The following ARL6 variants were observed in gnomAD, a reference collection of about 807,000 sequenced individuals.
ARL6 encodes the protein ADP-ribosylation factor-like protein 6.
A neutral mutation model predicts 27.1 loss-of-function variants in ARL6; 18 were observed. The observed-to-expected ratio is 0.66, with a 90% CI of 0.46 to 0.98. The LOEUF is 0.98. ARL6 is among the 50% of genes least tolerant of loss of function. The pLI is 0.00. For missense variants in ARL6, 187 were observed against 214.9 expected (o/e 0.87, Z 0.81); for synonymous variants, 65 against 72.3 (o/e 0.90, Z 0.51).
At chr3:97,768,962 C>T (rs552038924) in intron 2 of ARL6, among the ~76,000 whole-genome samples, 1 of 152,084 alleles carries the variant, frequency 6.6e-6, no homozygotes, top group South Asian at 2.1e-4. Flanking sequence ...GTAGATACAA[C>T]ACTTGCTCCC....
intron 7 of ARL6, among the ~76,000 whole-genome samples, chr3:97,794,962 C>T (rs999622151): frequency 3.3e-5 from 5 of 152,066 alleles, no homozygotes; most frequent in Admixed American, 6.6e-5. Flanking sequence ...GTGGTGCATG[C>T]CTGTAATCCC....
At chr3:97,779,298 T>C (rs1031520680) in intron 2 of ARL6, among the ~76,000 whole-genome samples, 2 of 152,178 alleles carry the variant, frequency 1.3e-5, no homozygotes, top group African/African-American at 2.4e-5. Context: ...TGGACTGTTC[T>C]TTGTCAATAA....
intron 7 of ARL6, among the ~76,000 whole-genome samples, chr3:97,796,545 G>A (rs911851778): frequency 2.6e-5 from 4 of 152,056 alleles, no homozygotes; most frequent in Non-Finnish European, 5.9e-5. Context: ...AAAAGTAGAG[G>A]ATAGCAAATC....
At chr3:97,785,333 A>AG (rs2037402946) in intron 5 of ARL6, among the ~76,000 whole-genome samples, 1 of 120,804 alleles carries the variant, frequency 8.3e-6, no homozygotes. Flanking sequence ...ATTGTACCAA[A>AG]GCAAAAAAAA....
At chr3:97,775,553 C>T (rs2036855512) in intron 2 of ARL6, among the ~76,000 whole-genome samples, 1 of 152,086 alleles carries the variant, frequency 6.6e-6, no homozygotes, top group Non-Finnish European at 1.5e-5. Context: ...AGCACACTGA[C>T]TCAAATGTTA....
rs1351584219 is a variant in ARL6, at chr3:97,798,574, C to G, written c.*525C>G. The G allele has an allele frequency of 6.5e-6, 1 of 152,788 alleles. No individual in the cohort carries two copies. The highest frequency in any genetic ancestry group is 1.5e-5 in the Non-Finnish European group (1 of 68,600). 9.5% of individuals were successfully genotyped at this position (152,788 alleles called of 1,614,324 possible). ...TGTTTATGCTGAAAAGAATAATGCTCTGTTAGTATGGTATTTCGTGTCATA... is the reference window on the plus strand; with the variant it reads ...TGTTTATGCTGAAAAGAATAATGCTGTGTTAGTATGGTATTTCGTGTCATA... On this transcript the variant is annotated 3_prime_UTR_variant, in exon 8 of 8. Transcript: ENST00000463745.
intron 2 of ARL6, among the ~76,000 whole-genome samples, chr3:97,776,998 A>G (rs2036941551): frequency 6.6e-6 from 1 of 152,230 alleles, no homozygotes; most frequent in Non-Finnish European, 1.5e-5. Context: ...AAAATTGTTC[A>G]GTTGATAACT....
At chr3:97,786,627 G>A (rs1049413179) in intron 5 of ARL6, among the ~76,000 whole-genome samples, 29 of 152,024 alleles carry the variant, frequency 1.9e-4, no homozygotes, top group African/African-American at 6.3e-4. Context: ...AAAATTGATG[G>A]CCATAAAAAA....
At chr3:97,792,604 G>A (rs1325638261) in intron 7 of ARL6, among the ~76,000 whole-genome samples, 2 of 152,068 alleles carry the variant, frequency 1.3e-5, no homozygotes, top group Admixed American at 6.6e-5. Context: ...TTGATATTTT[G>A]TATATTTGCA....
intron 2 of ARL6, among the ~76,000 whole-genome samples, chr3:97,773,031 TAGTC>T (rs1333233517): frequency 2.6e-5 from 4 of 152,280 alleles, no homozygotes; most frequent in South Asian, 2.1e-4. Flanking sequence ...AAGAATGTAT[TAGTC>T]AGGGTTCTCT....
At chr3:97,778,199 G>T (rs1268200269) in intron 2 of ARL6, among the ~76,000 whole-genome samples, 2 of 152,028 alleles carry the variant, frequency 1.3e-5, no homozygotes, top group African/African-American at 2.4e-5. Context: ...TTATTGCAAA[G>T]GTTGTTCTGA....
chr3:97,770,836 A>G (rs1225231918), intron 2 of ARL6, among the ~76,000 whole-genome samples: 2 of 151,990 alleles, frequency 1.3e-5, no homozygotes, highest in South Asian at 4.1e-4. Flanking sequence ...ATGTAAATAC[A>G]TGGATTTATT....
chr3:97,777,155 T>G (rs2036950045), intron 2 of ARL6, among the ~76,000 whole-genome samples: 1 of 152,194 alleles, frequency 6.6e-6, no homozygotes, highest in African/African-American at 2.4e-5. Flanking sequence ...TTTTAATATT[T>G]AGTTTTGGCC....
chr3:97,779,964 T>TTAATAATA (rs1326718635), intron 2 of ARL6, among the ~76,000 whole-genome samples, 195 bp from the exon 3 acceptor site: 9 of 152,092 alleles, frequency 5.9e-5, no homozygotes, highest in Non-Finnish European at 1.3e-4. Context: ...ATTATGCAGA[T>TTAATAATA]TCATAATTAG....
chr3:97,781,555 A>G (rs2037202419), intron 4 of ARL6, among the ~76,000 whole-genome samples: 1 of 152,122 alleles, frequency 6.6e-6, no homozygotes, highest in Non-Finnish European at 1.5e-5. Flanking sequence ...TTATAAGCAA[A>G]TACTAAGCCA....
intron 2 of ARL6, among the ~76,000 whole-genome samples, chr3:97,779,364 C>T (rs1344243429): frequency 6.6e-6 from 1 of 152,158 alleles, no homozygotes; most frequent in African/African-American, 2.4e-5. Context: ...GGCCCCTACT[C>T]AGAGAGACCA....
chr3:97,796,263 G>A (rs76774462), intron 7 of ARL6, among the ~76,000 whole-genome samples: 2,099 of 152,110 alleles, frequency 0.014, 50 homozygotes, highest in African/African-American at 0.048. Flanking sequence ...CTGTTAAAGA[G>A]TATCCTCAAA....
chr3:97,788,319 G>A (rs2037560144), intron 6 of ARL6, among the ~76,000 whole-genome samples, 200 bp downstream of exon 6: 1 of 151,968 alleles, frequency 6.6e-6, no homozygotes, highest in African/African-American at 2.4e-5. Context: ...ATTTTTGGGG[G>A]GATAGGAAAA....
rs1050434417 is a variant in ARL6 at position 97,787,910 on chromosome 3, A to T, written c.350-80A>T. On this transcript the variant is annotated intron_variant, in intron 5 of 7. Transcript: ENST00000463745. The stretch of plus-strand genomic sequence containing the variant: ...AAAAAGATAATTGAAAAAAAATTTC[A>T]TGGGTTTCAGTACTAAAGATTTGCT... 7.4e-6 allele frequency: 11 copies of T among 1,483,410 alleles called. No individual in the cohort carries two copies. In the Admixed American group the frequency reaches 1.2e-4, roughly 17 times the overall value. The allele number at this position is 1,483,410 out of a possible 1,614,324, so 91.9% of individuals were successfully genotyped here. A position where few individuals can be genotyped will look rare whatever the true frequency, so the allele number is the denominator to read the frequency against.
Sources: gnomAD v4.1 joint callset for allele counts (sites outside exome capture counted in the v4.1 genomes callset) on GRCh38, gnomAD v4.1.1 for gene constraint, MANE v1.5 for transcripts, NCBI Gene and HGNC (gene_info 2026-07-23, HGNC 2026-07-21) for gene names.